The following GRB10 variants were observed in gnomAD, a reference collection of about 807,000 sequenced individuals.
The protein encoded by GRB10 is growth factor receptor-bound protein 10.
GRB10 carries 20 observed loss-of-function variants against 80.9 expected under a neutral mutation model. That is an observed-to-expected ratio of 0.25 (90% confidence interval 0.17 to 0.36). The LOEUF (loss-of-function observed/expected upper bound fraction) is 0.36. GRB10 is among the 10% of genes least tolerant of loss of function. The pLI is 1.00. For missense variants in GRB10, 548 were observed against 747.7 expected, an observed-to-expected ratio of 0.73 and a Z score of 3.12; for synonymous variants, 291 against 291.5, an observed-to-expected ratio of 1.00 and a Z score of 0.02.
intron 4 of GRB10, among the ~76,000 whole-genome samples, chr7:50,714,904 A>C (rs2066604331): frequency 6.6e-6 from 1 of 152,152 alleles, no homozygotes; most frequent in Admixed American, 6.5e-5. Flanking sequence ...CGTAGGAGGC[A>C]CATGACACAC....
chr7:50,761,045 G>A (rs1382365918), intron 2 of GRB10, among the ~76,000 whole-genome samples: 1 of 152,304 alleles, frequency 6.6e-6, no homozygotes, highest in Middle Eastern at 3.4e-3. Flanking sequence ...TGCAAAGATA[G>A]GTGGGTTTTA....
chr7:50,732,140 A>G, intron 4 of GRB10, 132 bp downstream of exon 4: 2 of 910,490 alleles, frequency 2.2e-6, no homozygotes, highest in Non-Finnish European at 3.6e-6. Flanking sequence ...GGGACTTGTC[A>G]CCAGCCCCTG....
intron 17 of GRB10, among the ~76,000 whole-genome samples, chr7:50,598,171 C>T (rs2046978495): frequency 6.6e-6 from 1 of 152,200 alleles, no homozygotes; most frequent in Non-Finnish European, 1.5e-5. Context: ...GCCAGAATAA[C>T]TCTTCTCTTA....
At chr7:50,763,403 C>T (rs1390377760) in intron 2 of GRB10, among the ~76,000 whole-genome samples, 1 of 152,156 alleles carries the variant, frequency 6.6e-6, no homozygotes, top group Non-Finnish European at 1.5e-5. Flanking sequence ...AACAGGGCTC[C>T]CCTAAACCGG....
chr7:50,720,319 C>T (rs900378680), intron 4 of GRB10, among the ~76,000 whole-genome samples: 14 of 152,220 alleles, frequency 9.2e-5, no homozygotes, highest in Non-Finnish European at 1.6e-4. Flanking sequence ...TAGCCAGTTT[C>T]GCAGAGTCTG....
At chr7:50,727,708 C>T (rs144330773) in intron 4 of GRB10, 30 of 144,486 alleles carry the variant, frequency 2.1e-4, no homozygotes, top group African/African-American at 7.4e-4. Context: ...CTCAAATTTA[C>T]ATAAGTATCG....
At chr7:50,646,692 T>A (rs1250443584) in intron 7 of GRB10, among the ~76,000 whole-genome samples, 5 of 152,138 alleles carry the variant, frequency 3.3e-5, no homozygotes, top group Admixed American at 6.5e-5. Context: ...TGGAAAGAGA[T>A]GAGTGGGGGT....
chr7:50,597,568 C>T (rs1035403903), intron 17 of GRB10, among the ~76,000 whole-genome samples: 2 of 152,280 alleles, frequency 1.3e-5, no homozygotes, highest in Non-Finnish European at 2.9e-5. Flanking sequence ...TCTGCTGTCT[C>T]CTTCTGCAGA....
At chr7:50,632,212 C>A (rs2054126588) in intron 7 of GRB10, among the ~76,000 whole-genome samples, 1 of 152,206 alleles carries the variant, frequency 6.6e-6, no homozygotes, top group East Asian at 1.9e-4. Context: ...AAGCACTACA[C>A]ATGATTATAT....
intron 7 of GRB10, among the ~76,000 whole-genome samples, chr7:50,642,349 C>CA (rs1455267091): frequency 6.6e-6 from 1 of 151,860 alleles, no homozygotes; most frequent in Non-Finnish European, 1.5e-5. Flanking sequence ...TACAGATACA[C>CA]AAATGCACAC....
At chr7:50,651,949 C>A (rs1563298636) in intron 7 of GRB10, among the ~76,000 whole-genome samples, 1 of 152,222 alleles carries the variant, frequency 6.6e-6, no homozygotes, top group South Asian at 2.1e-4. Flanking sequence ...ACCCTGCTGA[C>A]GACCCTCACT....
intron 3 of GRB10, among the ~76,000 whole-genome samples, chr7:50,754,553 G>A (rs1344365554): frequency 5.9e-5 from 9 of 152,166 alleles, no homozygotes; most frequent in East Asian, 1.9e-4. Flanking sequence ...AAAAAGCAAC[G>A]GCAGTGTGAG....
intron 8 of GRB10, among the ~76,000 whole-genome samples, chr7:50,623,395 G>C (rs1429549631): frequency 6.6e-6 from 1 of 152,244 alleles, no homozygotes; most frequent in African/African-American, 2.4e-5. Flanking sequence ...GTCCAGTAGT[G>C]AATGTCCCCA....
rs116489905 is a variant in GRB10, at chr7:50,715,449, T to C, written c.52-11541A>G. 2.0e-3 allele frequency among the ~76,000 whole-genome samples: 312 copies of C among 152,270 alleles called. 1 individual carries two copies. The highest frequency in any genetic ancestry group is 7.1e-3 in the African/African-American group (293 of 41,546). On this transcript the variant is annotated intron_variant, in intron 4 of 18. Coordinates refer to ENST00000401949, the MANE Select transcript of GRB10 (RefSeq NM_001350814.2). ...CAGTAAGACCAAACTCGGGCAGCCATTACAGCAGGAACAATTGGTGGATCC... is the reference window on the plus strand; with the variant it reads ...CAGTAAGACCAAACTCGGGCAGCCACTACAGCAGGAACAATTGGTGGATCC...
At chr7:50,661,782 C>T (rs905322586) in intron 7 of GRB10, among the ~76,000 whole-genome samples, 1 of 152,192 alleles carries the variant, frequency 6.6e-6, no homozygotes, top group African/African-American at 2.4e-5. Flanking sequence ...CTTGCCACCA[C>T]TTCACATTTC....
chr7:50,784,718 T>C (rs2078618156), upstream of GRB10, among the ~76,000 whole-genome samples: 1 of 152,172 alleles, frequency 6.6e-6, no homozygotes, highest in Non-Finnish European at 1.5e-5. Flanking sequence ...AACAGAATCT[T>C]TGAAAAGGCA....
At chr7:50,790,599 G>C (rs2078871554) in intron 1 of GRB10, among the ~76,000 whole-genome samples, 1 of 152,248 alleles carries the variant, frequency 6.6e-6, no homozygotes, top group Non-Finnish European at 1.5e-5. Context: ...AAAATCCCCT[G>C]CATTTAGCTC....
chr7:50,673,098 G>A (rs1586704259), intron 6 of GRB10, among the ~76,000 whole-genome samples: 1 of 152,272 alleles, frequency 6.6e-6, no homozygotes, highest in East Asian at 1.9e-4. Context: ...CAAGATGTCA[G>A]ACCACAAAGA....
intron 7 of GRB10, among the ~76,000 whole-genome samples, chr7:50,660,798 A>G (rs949867014): frequency 6.6e-6 from 1 of 151,766 alleles, no homozygotes; most frequent in African/African-American, 2.4e-5. Context: ...GCGTGAAGCC[A>G]CAAGGGACCA....
Sources: gnomAD v4.1 joint callset for allele counts (sites outside exome capture counted in the v4.1 genomes callset) on GRCh38, gnomAD v4.1.1 for gene constraint, MANE v1.5 for transcripts, NCBI Gene and HGNC (gene_info 2026-07-23, HGNC 2026-07-21) for gene names.